SUCLG1: variants seen among roughly 807,000 people sequenced by gnomAD.
SUCLG1 encodes succinate-CoA ligase GDP/ADP-forming subunit alpha, also known as succinate--CoA ligase [ADP/GDP-forming] subunit alpha, mitochondrial.
In SUCLG1, 26 loss-of-function variants were observed where a neutral mutation model predicts 37.3. The ratio of observed to expected loss-of-function variants is 0.70; its 90% CI spans 0.51 to 0.97. The LOEUF (loss-of-function observed/expected upper bound fraction) is 0.97. SUCLG1 is among the 50% of genes least tolerant of loss of function. The probability of loss-of-function intolerance (pLI) is 0.00; values close to 1 mark genes in which losing one functional copy is unlikely to be tolerated. For missense variants in SUCLG1, 433 were observed against 432.9 expected (o/e 1.00, Z 0.00); for synonymous variants, 163 against 155.6 (o/e 1.05, Z -0.36).
chr2:84,457,864 A>G (rs1198488875), intron 1 of SUCLG1, among the ~76,000 whole-genome samples: 1 of 152,120 alleles, frequency 6.6e-6, no homozygotes, highest in Non-Finnish European at 1.5e-5. Flanking sequence ...AATCTCCAGA[A>G]AGCTTTACCA....
chr2:84,439,865 T>G (rs1284963809), intron 5 of SUCLG1, among the ~76,000 whole-genome samples: 1 of 152,232 alleles, frequency 6.6e-6, no homozygotes, highest in African/African-American at 2.4e-5. Flanking sequence ...ACAGGCCATC[T>G]GAGTTCCCTT....
In SUCLG1 at chr2:84,452,386, A is replaced by G. The variant is rs1444877912; in HGVS notation, c.98-2634T>C. ...TCTTGCAAATATCTCTTACCTTTCA[A>G]TTAAAGATTTAATGTCCTCAACTTT... On this transcript the variant is annotated intron_variant, in intron 1 of 8. Transcript: ENST00000393868. Among the ~76,000 whole-genome samples, 7 of 152,200 alleles carry G rather than the reference A, an allele frequency of 4.6e-5. No homozygotes were observed. The South Asian group carries it at 8.3e-4, about 18-fold the overall frequency.
chr2:84,449,990 C>T (rs1672916537), intron 1 of SUCLG1, among the ~76,000 whole-genome samples: 1 of 151,968 alleles, frequency 6.6e-6, no homozygotes, highest in African/African-American at 2.4e-5. Context: ...GAACCACGAT[C>T]TTGTAGTTTT....
chr2:84,455,840 C>CAA (rs5832612), intron 1 of SUCLG1, among the ~76,000 whole-genome samples: 25 of 79,938 alleles, frequency 3.1e-4, no homozygotes, highest in Admixed American at 4.1e-4. Context: ...CGTCTCAAAA[C>CAA]AAAAAAAAAA....
chr2:84,449,339 C>T (rs1427479789), intron 2 of SUCLG1, among the ~76,000 whole-genome samples: 1 of 152,038 alleles, frequency 6.6e-6, no homozygotes, highest in Non-Finnish European at 1.5e-5. Flanking sequence ...GTCAAAGAAA[C>T]GGTGATCTCT....
Position 84,449,745 on chromosome 2 carries a change from C to G in SUCLG1, c.105G>C (p.Gln35His). 1 of 1,256,722 alleles carries G rather than the reference C, an allele frequency of 8.0e-7. No individual in the cohort carries two copies. Among genetic ancestry groups the G allele is most frequent in the Non-Finnish European group, 1.1e-6 (1 of 891,740 alleles). The allele number at this position is 1,256,722 out of a possible 1,614,324, so 77.8% of individuals were successfully genotyped here. ...TGTAGGAACAATGCCGAATTCCATT[C>G]TGCGGCACTAAGAGGTTAAAAAAAA... is the stretch of plus-strand genomic sequence containing the variant. ...RLLSRSFLLPQNGIRHCSYTA... is the reference protein window; with the variant it reads ...RLLSRSFLLPHNGIRHCSYTA... The change falls in exon 2 of 9, where the codon CAG becomes CAC. Residue 35 changes from glutamine to histidine, a missense_variant. Transcript: ENST00000393868.
rs75561199 is a variant in SUCLG1, at chr2:84,454,829, T to C, written c.97+4344A>G. Among the ~76,000 whole-genome samples the C allele has an allele frequency of 5.8e-3, 885 of 152,254 alleles. 7 individuals are homozygous for C. The highest frequency in any genetic ancestry group is 0.014 in the Middle Eastern group (4 of 294). On this transcript the variant is annotated intron_variant, in intron 1 of 8. Transcript: ENST00000393868. ...ATGCAATCTATGGTCAAAGAGCACC[T>C]GCCCAGGAGAGACTCAAACCATGGG... is the stretch of plus-strand genomic sequence containing the variant.
At chr2:84,427,563 G>A (rs1022235396) in intron 7 of SUCLG1, among the ~76,000 whole-genome samples, 2 of 152,198 alleles carry the variant, frequency 1.3e-5, no homozygotes, top group Non-Finnish European at 2.9e-5. Context: ...AAGCCTCTAG[G>A]TAGGAGGAAG....
intron 1 of SUCLG1, among the ~76,000 whole-genome samples, chr2:84,458,170 ATTTT>A (rs998053961): frequency 2.0e-5 from 3 of 151,438 alleles, no homozygotes; most frequent in Non-Finnish European, 4.4e-5. Flanking sequence ...TAAAATGCAC[ATTTT>A]TTTTCACTTT....
chr2:84,448,874 T>G (rs1338863531), intron 2 of SUCLG1: 1 of 292,456 alleles, frequency 3.4e-6, no homozygotes, highest in African/African-American at 2.3e-5. Flanking sequence ...AAAACACATA[T>G]TATATAAATA....
chr2:84,442,502 G>A (rs1672789562), intron 3 of SUCLG1, among the ~76,000 whole-genome samples: 1 of 151,990 alleles, frequency 6.6e-6, no homozygotes, highest in South Asian at 2.1e-4. Context: ...ATTCATATAA[G>A]AGTCAAAAGA....
chr2:84,428,239 C>T (rs1448293793), intron 7 of SUCLG1, among the ~76,000 whole-genome samples: 1 of 151,788 alleles, frequency 6.6e-6, no homozygotes, highest in Non-Finnish European at 1.5e-5. Context: ...CCACCCTCCC[C>T]ACAAATGCCC....
rs773238880 is a variant in SUCLG1, at chr2:84,443,328, C to T, written c.274G>A (p.Gly92Ser). 1.1e-5 allele frequency: 18 copies of T among 1,614,168 alleles called. No homozygotes were observed. Among genetic ancestry groups the T allele is most frequent in the Non-Finnish European group, 1.4e-5 (17 of 1,180,004 alleles). Residue 92 changes from glycine (G) to serine (S), a missense_variant, in exon 3 of 9, where the codon GGC becomes AGC. Coordinates refer to ENST00000393868, the MANE Select transcript of SUCLG1 (RefSeq NM_003849.4). The stretch of plus-strand genomic sequence containing the variant: ...ACAGGTAAGCCCAGATGTGTCTGGC[C>T]TCCTTTCCCTGGAGTGGTTCCTCCA... Reference protein sequence around the residue: ...LVGGTTPGKGGQTHLGLPVFN... With the variant: ...LVGGTTPGKGSQTHLGLPVFN...
At chr2:84,450,563 T>TG (rs1343501260) in intron 1 of SUCLG1, among the ~76,000 whole-genome samples, 2 of 152,170 alleles carry the variant, frequency 1.3e-5, no homozygotes, top group African/African-American at 4.8e-5. Context: ...ACCTTCTAAA[T>TG]GTCCATTAAT....
rs527646598 is a variant in SUCLG1, at chr2:84,457,872, C to T, written c.97+1301G>A. ...TCTCAAGAATCTCCAGAAAGCTTTA[C>T]CAAACAAACCATTTCATACTTGCTA... On this transcript the variant is annotated intron_variant, in intron 1 of 8. Coordinates refer to ENST00000393868, the MANE Select transcript of SUCLG1 (RefSeq NM_003849.4). 9.2e-5 allele frequency among the ~76,000 whole-genome samples: 14 copies of T among 152,112 alleles called. No homozygotes were observed. In the South Asian group the frequency reaches 1.7e-3, roughly 18 times the overall value.
At chr2:84,453,963 A>G (rs1309278246) in intron 1 of SUCLG1, among the ~76,000 whole-genome samples, 3 of 152,196 alleles carry the variant, frequency 2.0e-5, no homozygotes, top group Non-Finnish European at 2.9e-5. Flanking sequence ...AACCCAGAGC[A>G]TACCTTTTGA....
intron 2 of SUCLG1, among the ~76,000 whole-genome samples, chr2:84,447,032 T>C (rs1412492072): frequency 6.6e-6 from 1 of 152,214 alleles, no homozygotes; most frequent in Non-Finnish European, 1.5e-5. Flanking sequence ...GCCAGTACAA[T>C]GTTAGGAACA....
rs372026239 is a variant in SUCLG1 at position 84,454,915 on chromosome 2, C to G, written c.97+4258G>C. Among the ~76,000 whole-genome samples, 137 of 152,274 alleles carry G rather than the reference C, an allele frequency of 9.0e-4. 1 individual carries two copies. The highest frequency in any genetic ancestry group is 3.4e-3 in the Middle Eastern group (1 of 294). ...CCCAAGGCTCTATTCATGAAATACTCAATACTCCTTCAACTCACCTCTCAA... is the reference window on the plus strand; with the variant it reads ...CCCAAGGCTCTATTCATGAAATACTGAATACTCCTTCAACTCACCTCTCAA... On this transcript the variant is annotated intron_variant, in intron 1 of 8. Transcript: ENST00000393868.
At chr2:84,443,971 T>C (rs1672811378) in intron 2 of SUCLG1, among the ~76,000 whole-genome samples, 1 of 152,206 alleles carries the variant, frequency 6.6e-6, no homozygotes, top group South Asian at 2.1e-4. Flanking sequence ...TCAGCATTAT[T>C]GACATTTTGG....
Sources: gnomAD v4.1 joint callset for allele counts (sites outside exome capture counted in the v4.1 genomes callset) on GRCh38, gnomAD v4.1.1 for gene constraint, MANE v1.5 for transcripts, NCBI Gene and HGNC (gene_info 2026-07-23, HGNC 2026-07-21) for gene names.